The following KIF13B variants were observed in gnomAD, a reference collection of about 807,000 sequenced individuals.
KIF13B encodes kinesin family member 13B, also known as kinesin-like protein KIF13B.
A neutral mutation model predicts 222.0 loss-of-function variants in KIF13B; 127 were observed. The ratio of observed to expected loss-of-function variants is 0.57; its 90% CI spans 0.50 to 0.66. KIF13B has a LOEUF of 0.66. KIF13B is among the 30% of genes least tolerant of loss of function. The pLI, the probability that KIF13B is intolerant of heterozygous loss-of-function variation, is 0.00. For missense variants in KIF13B, 2,173 were observed against 2,379.0 expected (o/e 0.91, Z 1.80); for synonymous variants, 976 against 919.0 (o/e 1.06, Z -1.12).
intron 6 of KIF13B, among the ~76,000 whole-genome samples, chr8:29,183,408 T>C (rs1812800765): frequency 6.6e-6 from 1 of 152,114 alleles, no homozygotes; most frequent in Admixed American, 6.5e-5. Context: ...CGCCTCAGCC[T>C]CCCAAAGTGC....
intron 38 of KIF13B, among the ~76,000 whole-genome samples, chr8:29,074,075 G>C (rs895614338): frequency 2.0e-5 from 3 of 152,170 alleles, no homozygotes; most frequent in African/African-American, 7.2e-5. Context: ...CGGTAACCAG[G>C]GTCCTGAAAT....
chr8:29,183,557 G>A (rs1426084228), intron 6 of KIF13B, among the ~76,000 whole-genome samples: 1 of 152,150 alleles, frequency 6.6e-6, no homozygotes, highest in African/African-American at 2.4e-5. Context: ...CCACCTCTTA[G>A]TCAGCTTCTC....
intron 1 of KIF13B, among the ~76,000 whole-genome samples, chr8:29,251,358 G>A (rs1446619468): frequency 2.0e-5 from 3 of 152,192 alleles, no homozygotes; most frequent in Non-Finnish European, 4.4e-5. Flanking sequence ...GTTCACAGCA[G>A]CAGCTAAAAT....
At chr8:29,184,563 G>C (rs1177707228) in intron 6 of KIF13B, among the ~76,000 whole-genome samples, 3 of 152,150 alleles carry the variant, frequency 2.0e-5, no homozygotes, top group South Asian at 4.1e-4. Context: ...AGAGGACCTA[G>C]ATCCTGAGCT....
chr8:29,243,523 G>A (rs528100966), intron 2 of KIF13B, among the ~76,000 whole-genome samples: 1 of 151,938 alleles, frequency 6.6e-6, no homozygotes, highest in East Asian at 1.9e-4. Context: ...AGGCATGGTG[G>A]TGCACACCTG....
intron 18 of KIF13B, among the ~76,000 whole-genome samples, chr8:29,143,833 A>G (rs1810928277): frequency 6.6e-6 from 1 of 151,928 alleles, no homozygotes; most frequent in African/African-American, 2.4e-5. Flanking sequence ...ACAAAGCAAG[A>G]CTCTGTCTCA....
intron 12 of KIF13B, among the ~76,000 whole-genome samples, chr8:29,164,851 GTT>G (rs754177287): frequency 8.6e-5 from 12 of 140,152 alleles, no homozygotes; most frequent in Admixed American, 1.4e-4. Context: ...ACCCTAACGT[GTT>G]TTTTTTTTTT....
chr8:29,139,248 T>C (rs1293932568), intron 21 of KIF13B, among the ~76,000 whole-genome samples: 1 of 152,180 alleles, frequency 6.6e-6, no homozygotes, highest in Non-Finnish European at 1.5e-5. Flanking sequence ...TTTTTTTCAG[T>C]AATAAGGATA....
intron 2 of KIF13B, among the ~76,000 whole-genome samples, chr8:29,236,100 T>A (rs1815494646): frequency 1.3e-5 from 2 of 152,104 alleles, no homozygotes; most frequent in South Asian, 4.1e-4. Context: ...CACATCTCAA[T>A]CCTATTCAAA....
intron 24 of KIF13B, among the ~76,000 whole-genome samples, chr8:29,128,613 T>C (rs916995695): frequency 5.3e-5 from 8 of 152,200 alleles, no homozygotes; most frequent in Admixed American, 3.3e-4. Context: ...CTTTCCGAAG[T>C]GATCTATTGT....
intron 12 of KIF13B, among the ~76,000 whole-genome samples, chr8:29,162,185 C>G (rs1021313272): frequency 6.6e-6 from 1 of 152,118 alleles, no homozygotes; most frequent in African/African-American, 2.4e-5. Flanking sequence ...AGTCAATCAC[C>G]CAAGACCTCT....
intron 6 of KIF13B, 132 bp from the exon 7 acceptor site, chr8:29,182,138 C>A: frequency 3.4e-6 from 2 of 581,738 alleles, no homozygotes; most frequent in Non-Finnish European, 2.9e-6. Context: ...GACTTGATCC[C>A]AGAAGAATTT....
rs751124305 is a variant in KIF13B at position 29,071,896 on chromosome 8, C to G, written c.4942G>C (p.Val1648Leu). The G allele has an allele frequency of 9.8e-4, 1,449 of 1,481,002 alleles. 21 individuals carry two copies. Among genetic ancestry groups the G allele is most frequent in the Non-Finnish European group, 2.3e-4 (256 of 1,127,862 alleles). The allele number at this position is 1,481,002 out of a possible 1,614,324, so 91.7% of individuals were successfully genotyped here. A position where few individuals can be genotyped will look rare whatever the true frequency, so the allele number is the denominator to read the frequency against. Residue 1648 changes from valine (V) to leucine (L), a missense_variant, in exon 39 of 40, where the codon GTC becomes CTC. By Grantham distance (32) the Val-to-Leu change is conservative. Coordinates refer to ENST00000524189, the MANE Select transcript of KIF13B (RefSeq NM_015254.4). This position sits in a 1 kb window ranked among gnomAD's most constrained non-coding sequence, Gnocchi z 4.9. ...EAPAPGSPFR[V>L]RRVRASELRS... ...AACTCCGAGGCCCGCACCCTCCGGA[C>G]GCGGAACGGGGAGCCGGGCGCCGGG... is the stretch of plus-strand genomic sequence containing the variant.
Position 29,075,337 on chromosome 8 carries a change from G to T in KIF13B, c.4465C>A (p.Pro1489Thr), listed in dbSNP as rs1225474229. 4 of 1,558,434 alleles carry T rather than the reference G, an allele frequency of 2.6e-6. No homozygotes were observed. Among genetic ancestry groups the T allele is most frequent in the African/African-American group, 2.7e-5 (2 of 73,570 alleles). Residue 1489 changes from proline (P) to threonine (T), a missense_variant, in exon 38 of 40, where the codon CCC becomes ACC. Pro to Thr is a conservative substitution (Grantham distance 38, BLOSUM62 -1). This residue lies in a region of KIF13B where 693 missense variants were observed against 656.2 expected (regional missense o/e 1.06). Transcript: ENST00000524189. ...CTGGCTGACTGCACCATGATGCGGGGCACGGGCTGAGGAGGCAAGTGTGCA... is the reference window on the plus strand; with the variant it reads ...CTGGCTGACTGCACCATGATGCGGGTCACGGGCTGAGGAGGCAAGTGTGCA... Reference protein sequence around the residue: ...RPSPLAHQPVPRIMVQSASPD... With the variant: ...RPSPLAHQPVTRIMVQSASPD...
chr8:29,073,090 T>A (rs77221248), intron 38 of KIF13B, among the ~76,000 whole-genome samples: 1 of 31,156 alleles, frequency 3.2e-5, no homozygotes, highest in Non-Finnish European at 8.3e-5. Flanking sequence ...CGAGGAGGGG[T>A]ATGAGGAGGG....
At chr8:29,146,156 G>A in intron 18 of KIF13B, 1 of 607,654 alleles carries the variant, frequency 1.6e-6, no homozygotes, top group East Asian at 2.7e-5. Flanking sequence ...AACTGTCAGG[G>A]CCAGGTGAGA....
At chr8:29,182,086 T>C (rs1812737441) in intron 6 of KIF13B, 80 bp from the exon 7 acceptor site, 1 of 1,060,638 alleles carries the variant, frequency 9.4e-7, no homozygotes, top group Non-Finnish European at 1.4e-6. Context: ...CATAAAAATA[T>C]ACAATGAATC....
Position 29,147,543 on chromosome 8 carries a change from C to T in KIF13B, c.1873G>A (p.Ala625Thr). ...EQQHEEEKRS[A>T]LERQRLMYEH... ...TACATAAGCCTCTGGCGCTCCAGTG[C>T]AGATCGTTTTTCTTCTTCATGCTGT... The change falls in exon 17 of 40, where the codon GCA becomes ACA. Residue 625 changes from alanine to threonine, a missense_variant. This residue lies in a region of KIF13B where 1,480 missense variants were observed against 1,722.8 expected (regional missense o/e 0.86). Transcript: ENST00000524189. The T allele has an allele frequency of 6.2e-7, 1 of 1,613,650 alleles. No homozygotes were observed.
rs143713222 is a variant in KIF13B, at chr8:29,239,883, G to A, written c.149+5463C>T. On this transcript the variant is annotated intron_variant, in intron 2 of 39. Transcript: ENST00000524189. The stretch of plus-strand genomic sequence containing the variant: ...TCACCATGTGGGCCAGGCTGGTTTC[G>A]AACTCCTGACCTCAAGTGATCTGCG... Among the ~76,000 whole-genome samples, 518 of 151,878 alleles carry A rather than the reference G, an allele frequency of 3.4e-3. 1 individual carries two copies. Among genetic ancestry groups the A allele is most frequent in the African/African-American group, 8.7e-3 (360 of 41,434 alleles).
Sources: gnomAD v4.1 joint callset for allele counts (sites outside exome capture counted in the v4.1 genomes callset) on GRCh38, gnomAD v4.1.1 for gene constraint, gnomAD v4.1.1 regional missense constraint, Gnocchi (gnomAD v3.1) non-coding constraint, MANE v1.5 for transcripts, NCBI Gene and HGNC (gene_info 2026-07-23, HGNC 2026-07-21) for gene names.